The following ACOXL variants were observed in gnomAD, a reference collection of about 807,000 sequenced individuals.
ACOXL encodes the protein acyl-coenzyme A oxidase-like protein.
In ACOXL, 70 loss-of-function variants were observed where a neutral mutation model predicts 71.9. The observed-to-expected ratio is 0.97, with a 90% confidence interval of 0.80 to 1.19. The LOEUF is 1.19. Ranked by LOEUF, ACOXL falls within the 50% of genes most tolerant of loss-of-function variation. The pLI is 0.00. For missense variants in ACOXL, 703 were observed against 736.3 expected (o/e 0.95, Z 0.52); for synonymous variants, 253 against 281.6 (o/e 0.90, Z 1.02).
intron 12 of ACOXL, among the ~76,000 whole-genome samples, chr2:110,944,051 A>ATTTTTT (rs1320379899): frequency 5.3e-5 from 8 of 151,992 alleles, no homozygotes. Context: ...CCATACTTTT[A>ATTTTTT]TTTTTTTATT....
At chr2:110,776,717 G>T (rs1244742920) in intron 2 of ACOXL, among the ~76,000 whole-genome samples, 2 of 152,054 alleles carry the variant, frequency 1.3e-5, no homozygotes, top group African/African-American at 4.8e-5. Flanking sequence ...AGTCCCTGGA[G>T]TATGAAGGGC....
At chr2:111,097,988 C>G (rs2068902785) in intron 17 of ACOXL, among the ~76,000 whole-genome samples, 1 of 152,174 alleles carries the variant, frequency 6.6e-6, no homozygotes, top group Non-Finnish European at 1.5e-5. Context: ...GAGAGAAATA[C>G]TTATTTTACA....
intron 16 of ACOXL, among the ~76,000 whole-genome samples, chr2:111,063,335 G>A (rs1424139452): frequency 6.6e-6 from 1 of 152,024 alleles, no homozygotes; most frequent in Non-Finnish European, 1.5e-5. Context: ...AAGAACTACA[G>A]ACCAATATAC....
At chr2:110,767,475 T>A (rs769042111) in intron 1 of ACOXL, among the ~76,000 whole-genome samples, 1 of 152,180 alleles carries the variant, frequency 6.6e-6, no homozygotes, top group South Asian at 2.1e-4. Flanking sequence ...GCAAGTGGGC[T>A]CCCAGAGCAG....
In ACOXL at chr2:111,092,933, G is replaced by A; in HGVS notation, c.1509G>A (p.Leu503=). The part of the protein sequence containing the change: ...ERAWYLEHKY[L]TPMASTRIRN... ...CCTGGTATTTAGAACATAAATACTT[G>A]ACTCCCATGGCCAGCACGAGGATCA... The change falls in exon 17 of 18, where the codon TTG becomes TTA. Residue 503 remains leucine, a synonymous_variant. Coordinates refer to ENST00000439055, the MANE Select transcript of ACOXL (RefSeq NM_001142807.4). 2 of 1,613,962 alleles carry A rather than the reference G, an allele frequency of 1.2e-6. No individual in the cohort carries two copies. The highest frequency in any genetic ancestry group is 2.2e-5 in the South Asian group (2 of 91,074).
chr2:111,064,235 G>C (rs1313605572), intron 16 of ACOXL, among the ~76,000 whole-genome samples: 1 of 152,050 alleles, frequency 6.6e-6, no homozygotes. Context: ...AGGAGATCGA[G>C]ACCATCCTGG....
At chr2:110,932,984 G>A (rs1232699798) in intron 11 of ACOXL, among the ~76,000 whole-genome samples, 2 of 152,154 alleles carry the variant, frequency 1.3e-5, no homozygotes, top group African/African-American at 2.4e-5. Flanking sequence ...GTCAGATGCC[G>A]ACAGGCCTCT....
intron 1 of ACOXL, among the ~76,000 whole-genome samples, chr2:110,734,012 A>T (rs1358498812): frequency 6.6e-6 from 1 of 152,242 alleles, no homozygotes; most frequent in African/African-American, 2.4e-5. Flanking sequence ...AGCAGAAAAA[A>T]TATAGAAGCA....
intron 16 of ACOXL, among the ~76,000 whole-genome samples, chr2:111,084,295 AC>A (rs1281593844): frequency 2.0e-5 from 3 of 148,930 alleles, no homozygotes; most frequent in Non-Finnish European, 4.4e-5. Flanking sequence ...ACACACACAC[AC>A]ACACACACAC....
intron 10 of ACOXL, among the ~76,000 whole-genome samples, chr2:110,889,461 G>A (rs1004124827): frequency 3.3e-5 from 5 of 152,086 alleles, no homozygotes; most frequent in Non-Finnish European, 5.9e-5. Context: ...ATCAACCCTT[G>A]AAAGAAACCC....
At chr2:110,806,381 C>T (rs894789005) in intron 9 of ACOXL, among the ~76,000 whole-genome samples, 3 of 152,198 alleles carry the variant, frequency 2.0e-5, no homozygotes, top group Non-Finnish European at 2.9e-5. Flanking sequence ...GTCTGAAGTC[C>T]CAGGTCAGGA....
intron 10 of ACOXL, among the ~76,000 whole-genome samples, chr2:110,847,950 CT>C (rs1692120113): frequency 6.6e-6 from 1 of 152,168 alleles, no homozygotes; most frequent in Admixed American, 6.5e-5. Flanking sequence ...GGGTTGTGTA[CT>C]TTTGTGTTCT....
chr2:110,767,242 G>T (rs533327644), intron 1 of ACOXL, among the ~76,000 whole-genome samples: 2 of 152,300 alleles, frequency 1.3e-5, no homozygotes, highest in East Asian at 3.9e-4. Context: ...CTCCTCCTGT[G>T]TCAGTTTAGG....
chr2:110,799,938 A>G (rs536285900), intron 7 of ACOXL, among the ~76,000 whole-genome samples: 2 of 152,212 alleles, frequency 1.3e-5, no homozygotes, highest in Non-Finnish European at 2.9e-5. Context: ...AAAATGCACT[A>G]ACCAGCGCCC....
At chr2:110,898,451 A>G (rs1045564856) in intron 10 of ACOXL, among the ~76,000 whole-genome samples, 4 of 152,232 alleles carry the variant, frequency 2.6e-5, no homozygotes, top group Non-Finnish European at 5.9e-5. Context: ...AAAACCAGTC[A>G]ATTTGATCTA....
intron 12 of ACOXL, among the ~76,000 whole-genome samples, chr2:110,949,258 G>C (rs2061234997): frequency 6.6e-6 from 1 of 152,156 alleles, no homozygotes. Context: ...ATCTGTCTGG[G>C]GTCCAAGTGT....
chr2:110,777,605 C>T (rs141283861), intron 2 of ACOXL, among the ~76,000 whole-genome samples: 1 of 152,180 alleles, frequency 6.6e-6, no homozygotes, highest in African/African-American at 2.4e-5. Flanking sequence ...AATCTTGTAA[C>T]TCAAGATGAG....
At chr2:110,772,000 C>T (rs563573911) in intron 2 of ACOXL, among the ~76,000 whole-genome samples, 126 of 152,338 alleles carry the variant, frequency 8.3e-4, no homozygotes, top group African/African-American at 3.0e-3. Context: ...TTCACCATAG[C>T]AGACAGTGAC....
At chr2:110,863,372 A>C (rs1372797743) in intron 10 of ACOXL, among the ~76,000 whole-genome samples, 1 of 152,244 alleles carries the variant, frequency 6.6e-6, no homozygotes, top group Non-Finnish European at 1.5e-5. Context: ...TGTTTTCCAA[A>C]ATATGAAGGC....
Sources: allele counts gnomAD v4.1 joint callset (sites outside exome capture counted in the v4.1 genomes callset), GRCh38; gene constraint gnomAD v4.1.1; transcripts MANE v1.5; gene names NCBI Gene and HGNC (gene_info 2026-07-23, HGNC 2026-07-21).